The following MPHOSPH9 variants were observed in gnomAD, a reference collection of about 807,000 sequenced individuals.
MPHOSPH9 encodes the protein M-phase phosphoprotein 9.
In MPHOSPH9, 88 loss-of-function variants were observed where a neutral mutation model predicts 145.5. The observed-to-expected ratio is 0.60, with a 90% CI of 0.51 to 0.72. The LOEUF is 0.72. Among genes scored for constraint, MPHOSPH9 ranks in the 30% least tolerant of loss-of-function variants. The pLI, the probability that MPHOSPH9 is intolerant of heterozygous loss-of-function variation, is 0.00. For missense variants in MPHOSPH9, 1,238 were observed against 1,386.6 expected (o/e 0.89, Z 1.70); for synonymous variants, 435 against 486.2 (o/e 0.89, Z 1.39).
At chr12:123,193,839 T>TA (rs2045817752) in intron 13 of MPHOSPH9, among the ~76,000 whole-genome samples, 1 of 151,628 alleles carries the variant, frequency 6.6e-6, no homozygotes, top group African/African-American at 2.4e-5. Context: ...TTTTTTTTTT[T>TA]AAGTTGACCT....
chr12:123,218,557 G>A (rs1404056199), intron 5 of MPHOSPH9, 58 bp from the exon 6 acceptor site: 9 of 1,520,222 alleles, frequency 5.9e-6, no homozygotes, highest in Admixed American at 1.8e-5. Flanking sequence ...ACAGAGTCTT[G>A]CTGTGTCGCC....
chr12:123,223,172 T>TA, intron 3 of MPHOSPH9, 45 bp from the exon 4 acceptor site: 1 of 1,193,408 alleles, frequency 8.4e-7, no homozygotes, highest in Non-Finnish European at 1.1e-6. Flanking sequence ...TTTTTTGACT[T>TA]AACATTTCAC....
chr12:123,229,264 C>G (rs1007026918), intron 2 of MPHOSPH9, among the ~76,000 whole-genome samples: 3 of 152,104 alleles, frequency 2.0e-5, no homozygotes, highest in African/African-American at 7.2e-5. Context: ...TCTTACAGTC[C>G]TTGCCTCTTT....
chr12:123,157,413 A>C (rs2043916392), intron 23 of MPHOSPH9, among the ~76,000 whole-genome samples: 1 of 152,182 alleles, frequency 6.6e-6, no homozygotes, highest in Non-Finnish European at 1.5e-5. Flanking sequence ...ACAATGAATT[A>C]ACAATTGCTA....
At chr12:123,182,268 T>TG (rs2045215660) in intron 13 of MPHOSPH9, among the ~76,000 whole-genome samples, 1 of 150,488 alleles carries the variant, frequency 6.6e-6, no homozygotes, top group African/African-American at 2.4e-5. Context: ...TTTGTTTTTT[T>TG]TTTTTGATGG....
chr12:123,169,553 C>A (rs1057109742), intron 16 of MPHOSPH9, among the ~76,000 whole-genome samples: 7 of 151,416 alleles, frequency 4.6e-5, no homozygotes, highest in African/African-American at 1.7e-4. Context: ...AATACTATAA[C>A]AAGCATCTAC....
intron 5 of MPHOSPH9, among the ~76,000 whole-genome samples, chr12:123,219,497 G>C (rs904786241): frequency 6.8e-6 from 1 of 146,818 alleles, no homozygotes; most frequent in Non-Finnish European, 1.5e-5. Flanking sequence ...AGCTTGCAGT[G>C]AGCCGAGATT....
At chr12:123,224,110 T>TTTTATATATATATATATATATA (rs1555231852) in intron 3 of MPHOSPH9, among the ~76,000 whole-genome samples, 14 of 120,410 alleles carry the variant, frequency 1.2e-4, no homozygotes, top group East Asian at 8.7e-4. Flanking sequence ...AATTGCTAAT[T>TTTTATATATATATATATATATA]TATATATATA....
chr12:123,156,690 G>A lies in MPHOSPH9; in HGVS notation c.*117C>T, dbSNP rs2043877552. 1.6e-6 allele frequency: 1 copy of A among 610,098 alleles called. No individual in the cohort carries two copies. The highest frequency in any genetic ancestry group is 2.7e-6 in the Non-Finnish European group (1 of 375,390). The allele number at this position is 610,098 out of a possible 1,614,324, so 37.8% of individuals were successfully genotyped here. On this transcript the variant is annotated 3_prime_UTR_variant, in exon 24 of 24. Coordinates refer to ENST00000606320, the MANE Select transcript of MPHOSPH9 (RefSeq NM_022782.4). ...AAAATAGCAAGTGTAAGAATAGCAT[G>A]ATTGTAAAACTACTGTTTGAAGGCT...
rs567171880 is a variant in MPHOSPH9, at chr12:123,198,015, C to G, written c.2025+232G>C. ...AGGAGAATGGCGTGAACCCGGGAGG[C>G]GGAGCTTGCAGTGAGCCAAGACCGC... On this transcript the variant is annotated intron_variant, in intron 12 of 23. Transcript: ENST00000606320. Among the ~76,000 whole-genome samples the G allele has an allele frequency of 1.7e-4, 26 of 149,882 alleles. No individual in the cohort carries two copies. The East Asian group carries it at 5.1e-3, about 29-fold the overall frequency.
rs374263250 is a variant in MPHOSPH9, at chr12:123,198,293, C to T, written c.1979G>A (p.Arg660His). The T allele has an allele frequency of 4.8e-5, 77 of 1,612,138 alleles. No homozygotes were observed. The highest frequency in any genetic ancestry group is 2.5e-4 in the East Asian group (11 of 44,830). Residue 660 changes from arginine to histidine, a missense_variant, in exon 12 of 24, where the codon CGC becomes CAC. Around this residue, in one of 3 missense-constraint regions of MPHOSPH9, gnomAD observed 837 missense variants for 897.5 expected, o/e 0.93. Coordinates refer to ENST00000606320, the MANE Select transcript of MPHOSPH9 (RefSeq NM_022782.4). Reference protein sequence around the residue: ...LDSALHEATSRVRTLENKNNL... With the variant: ...LDSALHEATSHVRTLENKNNL... ...ATTCTTATTTTCAAGTGTTCTCACG[C>T]GACTAGTAGCTTCATGCAAAGCACT...
intron 1 of MPHOSPH9, among the ~76,000 whole-genome samples, chr12:123,232,410 A>AT (rs2047691253): frequency 6.6e-6 from 1 of 152,206 alleles, no homozygotes; most frequent in Non-Finnish European, 1.5e-5. Context: ...CAGAATGAAT[A>AT]TAAGAGCAGA....
chr12:123,214,735 G>A lies in MPHOSPH9; in HGVS notation c.1087+9C>T. 6.3e-7 allele frequency: 1 copy of A among 1,595,530 alleles called. No homozygotes were observed. Among genetic ancestry groups the A allele is most frequent in the South Asian group, 1.1e-5 (1 of 90,366 alleles). On this transcript the variant is annotated intron_variant, in intron 7 of 23. Coordinates refer to ENST00000606320, the MANE Select transcript of MPHOSPH9 (RefSeq NM_022782.4). ...TAGGTTAAAAAAAATAAAAATGTAA[G>A]TATCATACCTGTTCCTGAATCAGAC...
upstream of MPHOSPH9, among the ~76,000 whole-genome samples, chr12:123,237,254 AC>A (rs1159508349): frequency 6.6e-6 from 1 of 151,520 alleles, no homozygotes; most frequent in Non-Finnish European, 1.5e-5. Flanking sequence ...GTCAGGAGAA[AC>A]CCCCGCCTCT....
In MPHOSPH9 at chr12:123,230,346, C is replaced by G; in HGVS notation, c.19G>C (p.Val7Leu). MEEFDL[V>L]KTLHKTSSSV... ...GATGAAGTTTTGTGTAAGGTTTTCA[C>G]CAAGTCAAACTCTTCCATAGTGTAC... Residue 7 changes from valine to leucine, a missense_variant, in exon 2 of 24, where the codon GTG becomes CTG. Around this residue, in one of 3 missense-constraint regions of MPHOSPH9, gnomAD observed 837 missense variants for 897.5 expected, o/e 0.93. Transcript: ENST00000606320. 1.3e-6 allele frequency: 2 copies of G among 1,529,632 alleles called. No homozygotes were observed. The highest frequency in any genetic ancestry group is 1.8e-6 in the Non-Finnish European group (2 of 1,141,628). The allele number at this position is 1,529,632 out of a possible 1,614,324, so 94.8% of individuals were successfully genotyped here. A position where few individuals can be genotyped will look rare whatever the true frequency, so the allele number is the denominator to read the frequency against.
At chr12:123,198,375 A>G (rs2046067673) in intron 11 of MPHOSPH9, 41 bp from the exon 12 acceptor site, 1 of 1,458,062 alleles carries the variant, frequency 6.9e-7, no homozygotes, top group Admixed American at 1.9e-5. Flanking sequence ...AGATAAAATT[A>G]TTACCCTTAA....
intron 8 of MPHOSPH9, 38 bp downstream of exon 8, chr12:123,210,018 A>G (rs764419440): frequency 1.6e-5 from 24 of 1,479,796 alleles, no homozygotes; most frequent in Admixed American, 3.6e-5. Context: ...TTACAGGCGT[A>G]AGCCACCGCG....
intron 13 of MPHOSPH9, among the ~76,000 whole-genome samples, chr12:123,188,261 A>T (rs1357595485): frequency 6.6e-6 from 1 of 152,242 alleles, no homozygotes; most frequent in Non-Finnish European, 1.5e-5. Flanking sequence ...CAAGCACTGG[A>T]AATAATCTAG....
In MPHOSPH9 at chr12:123,194,406, C is replaced by T; in HGVS notation, c.2221G>A (p.Glu741Lys). The T allele has an allele frequency of 6.3e-7, 1 of 1,595,086 alleles. No homozygotes were observed. The highest frequency in any genetic ancestry group is 8.5e-7 in the Non-Finnish European group (1 of 1,172,058). ...CTTACATCTTGAAACATTTTGTTCT[C>T]TTGTTTTAGTTGAGCTTCTTTATCA... is the stretch of plus-strand genomic sequence containing the variant. ...SDDKEAQLKQ[E>K]NKMFQDLLGE... The change falls in exon 13 of 24, where the codon GAG (glutamate) becomes AAG (lysine). Residue 741 changes from glutamate (E) to lysine (K), a missense_variant. Coordinates refer to ENST00000606320, the MANE Select transcript of MPHOSPH9 (RefSeq NM_022782.4).
Sources: gnomAD v4.1 joint callset for allele counts (sites outside exome capture counted in the v4.1 genomes callset) on GRCh38, gnomAD v4.1.1 for gene constraint, gnomAD v4.1.1 regional missense constraint, MANE v1.5 for transcripts, NCBI Gene and HGNC (gene_info 2026-07-23, HGNC 2026-07-21) for gene names.